BAZ2B: variants seen among roughly 807,000 people sequenced by gnomAD.
BAZ2B encodes bromodomain adjacent to zinc finger domain protein 2B.
A neutral mutation model predicts 246.0 loss-of-function variants in BAZ2B; 91 were observed. The observed-to-expected ratio is 0.37, with a 90% CI of 0.31 to 0.44. BAZ2B has a LOEUF of 0.44. Among genes scored for constraint, BAZ2B ranks in the 20% least tolerant of loss-of-function variants. The pLI is 1.00. For missense variants in BAZ2B, 2,332 were observed against 2,533.7 expected, an observed-to-expected ratio of 0.92 and a Z score of 1.71; for synonymous variants, 855 against 860.0, an observed-to-expected ratio of 0.99 and a Z score of 0.10.
intron 3 of BAZ2B, among the ~76,000 whole-genome samples, chr2:159,475,300 G>A (rs1252916568): frequency 1.3e-5 from 2 of 152,022 alleles, no homozygotes; most frequent in East Asian, 3.9e-4. Context: ...ATTTCATTAT[G>A]TTGGTTCAAT....
At chr2:159,378,858 G>A (rs576707826) in intron 25 of BAZ2B, among the ~76,000 whole-genome samples, 1 of 152,280 alleles carries the variant, frequency 6.6e-6, no homozygotes, top group East Asian at 1.9e-4. Flanking sequence ...ACACTGTTGG[G>A]AGTGTGGGAT....
intron 4 of BAZ2B, among the ~76,000 whole-genome samples, chr2:159,451,757 A>T (rs1473237332): frequency 2.0e-5 from 3 of 152,110 alleles, no homozygotes; most frequent in Admixed American, 6.5e-5. Context: ...GAGCTATCAA[A>T]TTTTTTTCTA....
In BAZ2B at chr2:159,325,742, T is replaced by C; in HGVS notation, c.6120A>G (p.Glu2040=). The change falls in exon 35 of 37, where the codon GAA becomes GAG. Residue 2040 remains glutamate, a synonymous_variant. Coordinates refer to ENST00000392783, the MANE Select transcript of BAZ2B (RefSeq NM_013450.4). ...NKDLKKRKME[E]NTSINLSKQE... Reference sequence around the variant, plus strand: ...GTTTTGACAAGTTAATAGAAGTGTTTTCCTCCATTTTTCTTTTCTTGAGGT... The same window carrying C: ...GTTTTGACAAGTTAATAGAAGTGTTCTCCTCCATTTTTCTTTTCTTGAGGT... 6.3e-7 allele frequency: 1 copy of C among 1,598,958 alleles called. No individual in the cohort carries two copies. Among genetic ancestry groups the C allele is most frequent in the Non-Finnish European group, 8.5e-7 (1 of 1,176,664 alleles).
chr2:159,438,845 AC>A, intron 7 of BAZ2B, 150 bp from the exon 8 acceptor site: 1 of 1,219,788 alleles, frequency 8.2e-7, no homozygotes, highest in Non-Finnish European at 1.1e-6. Context: ...TAAAAGAAAT[AC>A]CGTATGTCCC....
the BAZ2B span, among the ~76,000 whole-genome samples, chr2:159,692,105 C>A: frequency 1.3e-5 from 2 of 152,088 alleles, no homozygotes; most frequent in Non-Finnish European, 2.9e-5. Context: ...ATAAAATAGA[C>A]TAGTACCTAC....
chr2:159,402,888 A>C (rs1022849404), intron 16 of BAZ2B, among the ~76,000 whole-genome samples: 2 of 152,214 alleles, frequency 1.3e-5, no homozygotes, highest in African/African-American at 4.8e-5. Context: ...CTTTACATTT[A>C]ATATCTTGTC....
intron 25 of BAZ2B, among the ~76,000 whole-genome samples, chr2:159,376,776 T>C (rs530143729): frequency 1.5e-4 from 23 of 152,252 alleles, no homozygotes; most frequent in Middle Eastern, 3.4e-3. Context: ...CTTCCTATGA[T>C]GCAAAAAGAA....
At chr2:159,435,658 T>C (rs2072132095) in intron 8 of BAZ2B, 1 of 152,124 alleles carries the variant, frequency 6.6e-6, no homozygotes, top group Non-Finnish European at 1.5e-5. Flanking sequence ...CCAGCCTTTT[T>C]TTGTATTTTT....
At chr2:159,647,674 C>G in the BAZ2B span, among the ~76,000 whole-genome samples, 1 of 152,090 alleles carries the variant, frequency 6.6e-6, no homozygotes. Flanking sequence ...GACAAGAAGA[C>G]AACACAACTA....
chr2:159,635,519 T>A, the BAZ2B span, among the ~76,000 whole-genome samples: 1 of 152,120 alleles, frequency 6.6e-6, no homozygotes, highest in Admixed American at 6.5e-5. Context: ...AATTTTCTAT[T>A]TCTTTCCTTG....
At chr2:159,560,976 C>G (rs549677437) in intron 1 of BAZ2B, among the ~76,000 whole-genome samples, 1 of 152,204 alleles carries the variant, frequency 6.6e-6, no homozygotes, top group Middle Eastern at 3.4e-3. Context: ...AAACTATATA[C>G]TGGGAAACTG....
the BAZ2B span, among the ~76,000 whole-genome samples, chr2:159,684,280 G>A: frequency 6.6e-6 from 1 of 152,218 alleles, no homozygotes; most frequent in Non-Finnish European, 1.5e-5. Context: ...GAACACTGAT[G>A]TGCAGCTTTT....
At chr2:159,512,835 C>T (rs1415092429) in intron 2 of BAZ2B, among the ~76,000 whole-genome samples, 6 of 152,170 alleles carry the variant, frequency 3.9e-5, no homozygotes, top group Non-Finnish European at 8.8e-5. Context: ...AATGGTTTGA[C>T]TCCTTGATCA....
At chr2:159,326,870 T>C (rs951377657) in intron 34 of BAZ2B, among the ~76,000 whole-genome samples, 10 of 152,132 alleles carry the variant, frequency 6.6e-5, no homozygotes, top group Admixed American at 2.0e-4. Flanking sequence ...ATAATAAATA[T>C]AATAGATCAT....
chr2:159,332,405 T>C (rs1454846442), intron 34 of BAZ2B, 135 bp downstream of exon 34: 3 of 826,632 alleles, frequency 3.6e-6, no homozygotes. Flanking sequence ...GAGGATAGCT[T>C]GAGCCCAGGA....
At chr2:159,445,445 C>T (rs777320737) in intron 6 of BAZ2B, among the ~76,000 whole-genome samples, 2 of 152,154 alleles carry the variant, frequency 1.3e-5, no homozygotes, top group Non-Finnish European at 2.9e-5. Flanking sequence ...CCCCTTCATT[C>T]ACCCAAGGCT....
Position 159,479,839 on chromosome 2 carries a change from C to A in BAZ2B, c.-2-1118G>T, listed in dbSNP as rs191939296. On this transcript the variant is annotated intron_variant, in intron 2 of 36. Coordinates refer to ENST00000392783, the MANE Select transcript of BAZ2B (RefSeq NM_013450.4). ...TCATTAGAAAGACCATTTCAATGAG[C>A]CTTCTAATCATATAGAATTCAAAAA... 9.0e-3 allele frequency among the ~76,000 whole-genome samples: 1,368 copies of A among 152,214 alleles called. 18 individuals are homozygous for A. Among genetic ancestry groups the A allele is most frequent in the Non-Finnish European group, 0.016 (1,062 of 67,974 alleles).
rs1184564599 is a variant in BAZ2B at position 159,596,341 on chromosome 2, A to G, written c.-46+19901T>C. Among the ~76,000 whole-genome samples, 3 of 152,212 alleles carry G rather than the reference A, an allele frequency of 2.0e-5. No homozygotes were observed. The East Asian group carries it at 5.8e-4, about 29-fold the overall frequency. Reference sequence around the variant, plus strand: ...AATATATTGCATTTTAGCAAATTTTAGTATTTTTATAAAAATATGCGTGAC... The same window carrying G: ...AATATATTGCATTTTAGCAAATTTTGGTATTTTTATAAAAATATGCGTGAC... On this transcript the variant is annotated intron_variant, in intron 1 of 36. Coordinates refer to ENST00000392783, the MANE Select transcript of BAZ2B (RefSeq NM_013450.4).
chr2:159,548,370 T>C (rs928796365), intron 2 of BAZ2B, among the ~76,000 whole-genome samples: 3 of 152,300 alleles, frequency 2.0e-5, no homozygotes, highest in Admixed American at 2.0e-4. Context: ...AAAATAAAGG[T>C]CAGATAGTAC....
Sources: gnomAD v4.1 joint callset for allele counts (sites outside exome capture counted in the v4.1 genomes callset) on GRCh38, gnomAD v4.1.1 for gene constraint, MANE v1.5 for transcripts, NCBI Gene and HGNC (gene_info 2026-07-23, HGNC 2026-07-21) for gene names.